TSEN15: variants seen among roughly 807,000 people sequenced by gnomAD.
TSEN15 encodes the protein tRNA splicing endonuclease subunit 15.
A neutral mutation model predicts 20.5 loss-of-function variants in TSEN15; 10 were observed. The observed-to-expected ratio is 0.49, with a 90% CI of 0.30 to 0.83. The LOEUF is 0.83. TSEN15 is among the 40% of genes least tolerant of loss of function. TSEN15 has a pLI of 0.06. For synonymous variants in TSEN15, 72 were observed against 80.1 expected (o/e 0.90, Z 0.54); for missense variants, 180 against 218.6 (o/e 0.82, Z 1.11).
At position 184,072,856 on chromosome 1, in the gene TSEN15, T is replaced by C. The variant is rs1391895479; in HGVS notation, c.*9T>C. Reference sequence around the variant, plus strand: ...TTTCTCTTAGAAGATGACATCCATGTTTCCTGATGCTTGTTTTATTCATAC... The same window carrying C: ...TTTCTCTTAGAAGATGACATCCATGCTTCCTGATGCTTGTTTTATTCATAC... On this transcript the variant is annotated 3_prime_UTR_variant, in exon 5 of 5. Coordinates refer to ENST00000645668, the MANE Select transcript of TSEN15 (RefSeq NM_052965.4). 6.2e-7 allele frequency: 1 copy of C among 1,605,358 alleles called. No homozygotes were observed. Among genetic ancestry groups the C allele is most frequent in the Admixed American group, 1.7e-5 (1 of 58,092 alleles).
intron 3 of TSEN15, chr1:184,093,644 T>C (rs1651396832): frequency 6.6e-6 from 1 of 152,190 alleles, no homozygotes; most frequent in Admixed American, 6.5e-5. Flanking sequence ...TCCATATATA[T>C]TTATTAAAGA....
At chr1:184,053,390 A>G (rs763490627) in intron 1 of TSEN15, among the ~76,000 whole-genome samples, 1 of 152,192 alleles carries the variant, frequency 6.6e-6, no homozygotes, top group Non-Finnish European at 1.5e-5. Flanking sequence ...CAGTGTTTCC[A>G]TACTGATAAA....
At position 184,072,974 on chromosome 1, in the gene TSEN15, A is replaced by C; in HGVS notation, c.*127A>C. On this transcript the variant is annotated 3_prime_UTR_variant, in exon 5 of 5. Coordinates refer to ENST00000645668, the MANE Select transcript of TSEN15 (RefSeq NM_052965.4). ...TGAGGGTTGACTTCCCCATTCCATA[A>C]GGTTTTCATTCTGAAGAGTAAAACT... The C allele has an allele frequency of 2.2e-6, 2 of 893,998 alleles. No individual in the cohort carries two copies. The highest frequency in any genetic ancestry group is 3.4e-6 in the Non-Finnish European group (2 of 582,854). 55.4% of individuals were successfully genotyped at this position (893,998 alleles called of 1,614,324 possible). A position where few individuals can be genotyped will look rare whatever the true frequency, so the allele number is the denominator to read the frequency against.
chr1:184,072,743 A>C, intron 4 of TSEN15, 84 bp from the exon 5 acceptor site: 4 of 1,156,212 alleles, frequency 3.5e-6, no homozygotes, highest in Non-Finnish European at 5.1e-6. Context: ...AATTTGGATA[A>C]TTACATTAAA....
chr1:184,087,187 G>A (rs1651277560), intron 3 of TSEN15, among the ~76,000 whole-genome samples: 1 of 152,100 alleles, frequency 6.6e-6, no homozygotes, highest in African/African-American at 2.4e-5. Context: ...ACTAAAAGAT[G>A]TTAAAAAGAA....
At chr1:184,086,114 G>A (rs954341392) in intron 3 of TSEN15, among the ~76,000 whole-genome samples, 2 of 152,094 alleles carry the variant, frequency 1.3e-5, no homozygotes, top group African/African-American at 2.4e-5. Context: ...TCTGCCATGT[G>A]TATTTATCAC....
exon 4 of TSEN15, chr1:184,095,772 G>A (rs1443793672): frequency 2.5e-6 from 1 of 398,312 alleles, no homozygotes; most frequent in Non-Finnish European, 4.4e-6. Context: ...CATCAGAGAT[G>A]GAATGTTCCT....
chr1:184,073,904 A>G lies in TSEN15; in HGVS notation c.*1057A>G, dbSNP rs143937458. The G allele has an allele frequency of 7.9e-5, 12 of 152,290 alleles. No individual in the cohort carries two copies. In the East Asian group the frequency reaches 2.3e-3, roughly 29 times the overall value. 9.4% of individuals were successfully genotyped at this position (152,290 alleles called of 1,614,324 possible). On this transcript the variant is annotated 3_prime_UTR_variant, in exon 5 of 5. Transcript: ENST00000645668. ...TACAAATGTGGTGCCATAGTTTGTC[A>G]TCCCTGGGTCTAGGAAATAGTCAAT...
chr1:184,077,189 A>C (rs1475244276), downstream of TSEN15, among the ~76,000 whole-genome samples: 3 of 152,092 alleles, frequency 2.0e-5, no homozygotes, highest in Non-Finnish European at 4.4e-5. Flanking sequence ...CTGATGACTA[A>C]ATTAAAGCCA....
rs144441735 is a variant in TSEN15 at position 184,057,438 on chromosome 1, C to A, written c.353+2575C>A. On this transcript the variant is annotated intron_variant, in intron 3 of 4. Transcript: ENST00000645668. ...CGTTGATGAATACTTAACATTTTTTCTAGCTGACTATGACTGAATACATAG... is the reference window on the plus strand; with the variant it reads ...CGTTGATGAATACTTAACATTTTTTATAGCTGACTATGACTGAATACATAG... Among the ~76,000 whole-genome samples, 468 of 152,268 alleles carry A rather than the reference C, an allele frequency of 3.1e-3. 1 individual carries two copies. Among genetic ancestry groups the A allele is most frequent in the African/African-American group, 7.3e-3 (304 of 41,556 alleles).
At chr1:184,064,061 G>A (rs369882289) in intron 3 of TSEN15, among the ~76,000 whole-genome samples, 10 of 151,896 alleles carry the variant, frequency 6.6e-5, no homozygotes, top group East Asian at 1.9e-4. Context: ...TGGGCTCATC[G>A]GGTGCAAAAT....
At chr1:184,068,031 G>A (rs1012285920) in intron 3 of TSEN15, among the ~76,000 whole-genome samples, 3 of 143,510 alleles carry the variant, frequency 2.1e-5, no homozygotes, top group Non-Finnish European at 3.0e-5. Context: ...CATTTTCCAC[G>A]CTTTGCATTG....
At chr1:184,058,896 G>A (rs1650343290) in intron 3 of TSEN15, among the ~76,000 whole-genome samples, 1 of 151,744 alleles carries the variant, frequency 6.6e-6, no homozygotes, top group Admixed American at 6.6e-5. Flanking sequence ...GGGCTTTTTG[G>A]TCTTAACAAT....
Position 184,072,953 on chromosome 1 carries a change from G to T in TSEN15, c.*106G>T. On this transcript the variant is annotated 3_prime_UTR_variant, in exon 5 of 5. Transcript: ENST00000645668. ...AAATAGGGTTGACGTACATAGTGAG[G>T]GTTGACTTCCCCATTCCATAAGGTT... 1.8e-6 allele frequency: 2 copies of T among 1,098,614 alleles called. No individual in the cohort carries two copies. Among genetic ancestry groups the T allele is most frequent in the African/African-American group, 1.6e-5 (1 of 61,706 alleles). The allele number at this position is 1,098,614 out of a possible 1,614,324, so 68.1% of individuals were successfully genotyped here.
chr1:184,089,351 C>G (rs145082457), intron 3 of TSEN15, among the ~76,000 whole-genome samples: 192 of 152,092 alleles, frequency 1.3e-3, no homozygotes, highest in African/African-American at 4.4e-3. Flanking sequence ...TGTTTTTATT[C>G]TCTAAGAAAA....
chr1:184,082,031 G>A (rs1291513987), intron 3 of TSEN15, among the ~76,000 whole-genome samples: 5 of 152,182 alleles, frequency 3.3e-5, no homozygotes, highest in Non-Finnish European at 2.9e-5. Flanking sequence ...GAAGGAAGCT[G>A]GTTAAACATG....
intron 3 of TSEN15, among the ~76,000 whole-genome samples, chr1:184,063,317 T>C (rs1381152892): frequency 6.6e-6 from 1 of 152,198 alleles, no homozygotes. Context: ...AATTGCTCCT[T>C]TGCAAGCTTA....
At chr1:184,083,807 C>A (rs1199631404) in intron 3 of TSEN15, among the ~76,000 whole-genome samples, 1 of 152,152 alleles carries the variant, frequency 6.6e-6, no homozygotes, top group African/African-American at 2.4e-5. Flanking sequence ...GGAGTTGGTG[C>A]AGATACTATC....
chr1:184,085,410 G>T (rs1337975733), intron 3 of TSEN15, among the ~76,000 whole-genome samples: 2 of 152,240 alleles, frequency 1.3e-5, no homozygotes, highest in Admixed American at 6.5e-5. Context: ...AGTTAGAACA[G>T]TGTCTGATAC....
Sources: allele counts gnomAD v4.1 joint callset (sites outside exome capture counted in the v4.1 genomes callset), GRCh38; gene constraint gnomAD v4.1.1; transcripts MANE v1.5; gene names NCBI Gene and HGNC (gene_info 2026-07-23, HGNC 2026-07-21).